The following SUGP1 variants were observed in gnomAD, a reference collection of about 807,000 sequenced individuals.
The protein encoded by SUGP1 is SURP and G-patch domain containing 1.
A neutral mutation model predicts 76.5 loss-of-function variants in SUGP1; 34 were observed. The ratio of observed to expected loss-of-function variants is 0.44; its 90% CI spans 0.34 to 0.59. The LOEUF is 0.59. SUGP1 is among the 20% of genes least tolerant of loss of function. The pLI is 0.01. For missense variants in SUGP1, 752 were observed against 851.7 expected (o/e 0.88, Z 1.46); for synonymous variants, 326 against 326.2 (o/e 1.00, Z 0.01).
At chr19:19,281,898 TTGC>T (rs766615785) in intron 8 of SUGP1, among the ~76,000 whole-genome samples, 11 of 152,176 alleles carry the variant, frequency 7.2e-5, no homozygotes, top group Admixed American at 5.9e-4. Context: ...CTCCCCGAAA[TTGC>T]TGCTAAGAAG....
chr19:19,303,492 C>T, intron 5 of SUGP1, 44 bp from the exon 6 acceptor site: 1 of 1,546,440 alleles, frequency 6.5e-7, no homozygotes, highest in African/African-American at 1.4e-5. Context: ...AAATAAGTAT[C>T]TGTGACAGGC....
At position 19,276,438 on chromosome 19, in the gene SUGP1, A is replaced by G; in HGVS notation, c.*210T>C. ...GGGGATGGAGACTCCACAGGCCAAT[A>G]AGGAGAGCCCCGAGACAGCATCTTG... On this transcript the variant is annotated 3_prime_UTR_variant, in exon 14 of 14. Transcript: ENST00000247001. The G allele has an allele frequency of 3.3e-6, 2 of 597,268 alleles. No homozygotes were observed. Among genetic ancestry groups the G allele is most frequent in the South Asian group, 3.9e-5 (2 of 51,374 alleles). 37.0% of individuals were successfully genotyped at this position (597,268 alleles called of 1,614,324 possible).
intron 1 of SUGP1, among the ~76,000 whole-genome samples, chr19:19,319,183 C>T (rs1009045509): frequency 3.3e-5 from 5 of 152,150 alleles, no homozygotes; most frequent in Admixed American, 6.6e-5. Flanking sequence ...CATCGTGCCA[C>T]TGCACTCCAG....
At chr19:19,319,135 T>C (rs2061417539) in intron 1 of SUGP1, among the ~76,000 whole-genome samples, 1 of 151,998 alleles carries the variant, frequency 6.6e-6, no homozygotes, top group Non-Finnish European at 1.5e-5. Context: ...GGCAGAAGAA[T>C]GGCTTGAACC....
chr19:19,297,002 G>T lies in SUGP1; in HGVS notation c.1230C>A (p.Pro410=). Residue 410 remains proline, a synonymous_variant, in exon 8 of 14, where the codon CCC becomes CCA. Coordinates refer to ENST00000247001, the MANE Select transcript of SUGP1 (RefSeq NM_172231.4). Reference sequence around the variant, plus strand: ...GGGTCTGCCCACCTGACAGAGGCGAGGGAGAGGCATCCACGTCCCTCTGCA... The same window carrying T: ...GGGTCTGCCCACCTGACAGAGGCGATGGAGAGGCATCCACGTCCCTCTGCA... ...ELVQRDVDAS[P]SPLSVQDLKG... is the part of the protein sequence containing the mutation. 6.3e-7 allele frequency: 1 copy of T among 1,581,876 alleles called. No homozygotes were observed.
At chr19:19,299,509 A>T (rs1389612922) in intron 7 of SUGP1, among the ~76,000 whole-genome samples, 1 of 150,210 alleles carries the variant, frequency 6.7e-6, no homozygotes, top group Admixed American at 6.6e-5. Context: ...ACTAGCTGGG[A>T]CTACAGACGC....
intron 2 of SUGP1, among the ~76,000 whole-genome samples, chr19:19,313,075 T>C (rs2146628233): frequency 6.6e-6 from 1 of 152,024 alleles, no homozygotes; most frequent in Admixed American, 6.6e-5. Context: ...TGGTTCTACT[T>C]ACATCAAAAT....
chr19:19,302,066 C>T lies in SUGP1; in HGVS notation c.887+199G>A. Reference sequence around the variant, plus strand: ...AGGCCCCGTGCACCTGCCTCAGAGACTACCCAGGGGTGCTGGTGTGTGCGT... The same window carrying T: ...AGGCCCCGTGCACCTGCCTCAGAGATTACCCAGGGGTGCTGGTGTGTGCGT... On this transcript the variant is annotated intron_variant, in intron 7 of 13. Coordinates refer to ENST00000247001, the MANE Select transcript of SUGP1 (RefSeq NM_172231.4). 4.1e-6 allele frequency: 3 copies of T among 735,712 alleles called. No homozygotes were observed. The South Asian group carries it at 6.7e-5, about 16-fold the overall frequency. 45.6% of individuals were successfully genotyped at this position (735,712 alleles called of 1,614,324 possible).
intron 1 of SUGP1, 67 bp downstream of exon 1, chr19:19,320,396 G>A (rs896762944): frequency 2.8e-5 from 44 of 1,556,016 alleles, no homozygotes; most frequent in Non-Finnish European, 3.6e-5. Context: ...ACGGACCCGA[G>A]GAGTCAGGGG....
chr19:19,303,524 T>C, intron 5 of SUGP1, 76 bp from the exon 6 acceptor site: 1 of 1,467,940 alleles, frequency 6.8e-7, no homozygotes. Context: ...GCTTCTATCG[T>C]GCAAAAAAAG....
At chr19:19,277,205 G>A (rs2061057517) in intron 12 of SUGP1, 129 bp from the exon 13 acceptor site, 1 of 760,056 alleles carries the variant, frequency 1.3e-6, no homozygotes, top group South Asian at 1.7e-5. Context: ...TGCACAGAGA[G>A]AAGCTTGAAC....
At chr19:19,314,461 T>C (rs2061377611) in intron 2 of SUGP1, among the ~76,000 whole-genome samples, 1 of 152,140 alleles carries the variant, frequency 6.6e-6, no homozygotes, top group East Asian at 1.9e-4. Context: ...TTCCTGGATT[T>C]CCTACCATGT....
At chr19:19,281,701 G>A (rs985113046) in intron 8 of SUGP1, among the ~76,000 whole-genome samples, 1 of 152,248 alleles carries the variant, frequency 6.6e-6, no homozygotes, top group African/African-American at 2.4e-5. Context: ...CGCCAGTGAA[G>A]GTGGAGTGAG....
In SUGP1 at chr19:19,308,343, T is replaced by C. The variant is rs539923774; in HGVS notation, c.310+1754A>G. On this transcript the variant is annotated intron_variant, in intron 3 of 13. Coordinates refer to ENST00000247001, the MANE Select transcript of SUGP1 (RefSeq NM_172231.4). ...AGCCACCGCACCCAGCCGACATCTA[T>C]GAATTCTGAGTGAAGAGAATACGAC... Among the ~76,000 whole-genome samples the C allele has an allele frequency of 2.0e-5, 3 of 152,328 alleles. No individual in the cohort carries two copies. The South Asian group carries it at 6.2e-4, about 32-fold the overall frequency.
chr19:19,277,115 AGAACTCTGGCC>A, intron 12 of SUGP1, 39 bp from the exon 13 acceptor site: 1 of 1,587,380 alleles, frequency 6.3e-7, no homozygotes, highest in Non-Finnish European at 8.5e-7. Context: ...ACCTGGGGCC[AGAACTCTGGCC>A]GGGGGGCCGG....
chr19:19,306,246 A>T (rs957824115), intron 3 of SUGP1, among the ~76,000 whole-genome samples, 170 bp from the exon 4 acceptor site: 4 of 152,108 alleles, frequency 2.6e-5, no homozygotes, highest in African/African-American at 9.7e-5. Context: ...TGAGGCAAAG[A>T]GCAAAAGGAC....
chr19:19,279,126 C>T (rs944387482), intron 10 of SUGP1, 87 bp downstream of exon 10: 3 of 1,392,740 alleles, frequency 2.2e-6, no homozygotes, highest in Non-Finnish European at 2.9e-6. Context: ...AGCTCAAGAC[C>T]ACGTGTGGCG....
intron 8 of SUGP1, 49 bp from the exon 9 acceptor site, chr19:19,280,340 A>G (rs181179537): frequency 1.6e-5 from 24 of 1,531,614 alleles, no homozygotes; most frequent in Middle Eastern, 3.4e-4. Context: ...GTGCACCCCG[A>G]TCTCGCTCCT....
At chr19:19,297,479 C>T in intron 7 of SUGP1, 135 bp from the exon 8 acceptor site, 1 of 555,214 alleles carries the variant, frequency 1.8e-6, no homozygotes, top group Non-Finnish European at 2.9e-6. Context: ...GTCACGGTCT[C>T]CACCATGACC....
Sources: allele counts gnomAD v4.1 joint callset (sites outside exome capture counted in the v4.1 genomes callset), GRCh38; gene constraint gnomAD v4.1.1; transcripts MANE v1.5; gene names NCBI Gene and HGNC (gene_info 2026-07-23, HGNC 2026-07-21).